TIAM1: variants seen among roughly 807,000 people sequenced by gnomAD.
The protein encoded by TIAM1 is rho guanine nucleotide exchange factor TIAM1.
TIAM1 carries 65 observed loss-of-function variants against 163.5 expected under a neutral mutation model. The ratio of observed to expected loss-of-function variants is 0.40; its 90% confidence interval spans 0.33 to 0.49. The LOEUF (loss-of-function observed/expected upper bound fraction) is 0.49. TIAM1 is among the 20% of genes least tolerant of loss of function. The probability of loss-of-function intolerance (pLI) is 0.77; values close to 1 mark genes in which losing one functional copy is unlikely to be tolerated. For synonymous variants in TIAM1, 833 were observed against 810.1 expected, an observed-to-expected ratio of 1.03 and a Z score of -0.48; for missense variants, 1,789 against 2,044.7, an observed-to-expected ratio of 0.87 and a Z score of 2.41.
intron 11 of TIAM1, among the ~76,000 whole-genome samples, chr21:31,203,369 C>T (rs1050268859): frequency 4.6e-5 from 7 of 152,190 alleles, no homozygotes; most frequent in African/African-American, 1.2e-4. Context: ...GTGATTCACC[C>T]GCCTTGGCCT....
At chr21:31,504,815 T>C (rs937653640) in intron 1 of TIAM1, among the ~76,000 whole-genome samples, 1 of 152,066 alleles carries the variant, frequency 6.6e-6, no homozygotes, top group Non-Finnish European at 1.5e-5. Context: ...ATAACCACTG[T>C]TACTAAAAAA....
chr21:31,270,118 G>A (rs78104942), intron 3 of TIAM1, among the ~76,000 whole-genome samples: 4,495 of 152,228 alleles, frequency 0.03, 183 homozygotes, highest in African/African-American at 0.093. Flanking sequence ...ATATTTGTGT[G>A]GGTTTTGTTG....
chr21:31,462,192 C>T (rs2045353047), intron 2 of TIAM1, among the ~76,000 whole-genome samples: 1 of 152,206 alleles, frequency 6.6e-6, no homozygotes, highest in Non-Finnish European at 1.5e-5. Flanking sequence ...TTCACAACTA[C>T]TCAACTCTGC....
intron 2 of TIAM1, among the ~76,000 whole-genome samples, chr21:31,306,999 C>A (rs956370877): frequency 2.6e-5 from 4 of 151,954 alleles, no homozygotes; most frequent in African/African-American, 7.3e-5. Flanking sequence ...AAATAAAATT[C>A]TTCATACTGC....
chr21:31,468,065 G>A (rs1263888741), intron 1 of TIAM1, among the ~76,000 whole-genome samples: 1 of 148,448 alleles, frequency 6.7e-6, no homozygotes, highest in Admixed American at 6.8e-5. Flanking sequence ...CTCCACCCTG[G>A]GCGACAAGAG....
intron 2 of TIAM1, among the ~76,000 whole-genome samples, chr21:31,418,807 C>T (rs1170433031): frequency 6.6e-6 from 1 of 152,192 alleles, no homozygotes; most frequent in Non-Finnish European, 1.5e-5. Flanking sequence ...TGCACAGAAT[C>T]AGCTTCAGAG....
intron 22 of TIAM1, among the ~76,000 whole-genome samples, chr21:31,139,831 G>A (rs187720060): frequency 5.7e-4 from 87 of 152,276 alleles, no homozygotes; most frequent in African/African-American, 2.0e-3. Context: ...GATCCTGACT[G>A]TACACTGTCT....
chr21:31,270,647 G>C (rs900118566), intron 3 of TIAM1, among the ~76,000 whole-genome samples: 1 of 152,208 alleles, frequency 6.6e-6, no homozygotes. Context: ...TAGCCCACAG[G>C]CCACATGGAT....
At chr21:31,213,522 A>G (rs1333716064) in intron 9 of TIAM1, 50 bp from the exon 10 acceptor site, 4 of 1,538,236 alleles carry the variant, frequency 2.6e-6, no homozygotes, top group Non-Finnish European at 3.6e-6. Flanking sequence ...CAACAGGGCA[A>G]ACGAAACGTA....
intron 24 of TIAM1, 36 bp from the exon 25 acceptor site, chr21:31,130,351 T>C (rs533425339): frequency 6.5e-7 from 1 of 1,546,968 alleles, no homozygotes; most frequent in African/African-American, 1.4e-5. Context: ...ATAAGAAGAA[T>C]CTAACCTGCC....
At chr21:31,165,127 C>T in intron 15 of TIAM1, 62 bp from the exon 16 acceptor site, 2 of 1,498,594 alleles carry the variant, frequency 1.3e-6, no homozygotes, top group East Asian at 2.3e-5. Context: ...AAAAGCCACC[C>T]CTGTGTGAGG....
In TIAM1 at chr21:31,139,419, A is replaced by G. The variant is rs142471018; in HGVS notation, c.3774+1699T>C. 4.6e-3 allele frequency among the ~76,000 whole-genome samples: 703 copies of G among 152,350 alleles called. 1 individual carries two copies. The highest frequency in any genetic ancestry group is 0.016 in the African/African-American group (660 of 41,596). ...ACAGTATTATTCATATTAGTCAATA[A>G]CAAAAAGCATTAAAATTCTGTGATC... is the stretch of plus-strand genomic sequence containing the variant. On this transcript the variant is annotated intron_variant, in intron 22 of 27. Transcript: ENST00000541036.
rs145483253 is a variant in TIAM1 at position 31,142,179 on chromosome 21, C to T, written c.3476-675G>A. On this transcript the variant is annotated intron_variant, in intron 20 of 27. Coordinates refer to ENST00000541036, the MANE Select transcript of TIAM1 (RefSeq NM_001353694.2). ...ATGGGGTGCCCCTGCCTCTTGGGAA[C>T]TGTGAGTGACAAACTAATAATCATC... 1.2e-3 allele frequency among the ~76,000 whole-genome samples: 185 copies of T among 152,272 alleles called. 4 individuals are homozygous for T. Among genetic ancestry groups the T allele is most frequent in the Admixed American group, 5.9e-4 (9 of 15,300 alleles).
intron 12 of TIAM1, among the ~76,000 whole-genome samples, chr21:31,197,521 G>A (rs1041051257): frequency 1.1e-4 from 16 of 147,654 alleles, no homozygotes; most frequent in Non-Finnish European, 2.2e-4. Context: ...GACTACAGGC[G>A]CCCGCCACCG....
chr21:31,516,336 C>T (rs2047381297), intron 1 of TIAM1, among the ~76,000 whole-genome samples: 1 of 152,056 alleles, frequency 6.6e-6, no homozygotes, highest in Non-Finnish European at 1.5e-5. Context: ...TGTTTGAACC[C>T]AGGAGGTGGA....
intron 2 of TIAM1, among the ~76,000 whole-genome samples, chr21:31,376,492 A>G (rs2076690068): frequency 1.3e-5 from 2 of 152,242 alleles, no homozygotes; most frequent in Middle Eastern, 3.4e-3. Flanking sequence ...GAAGGCAAAC[A>G]TTGGCACAGA....
At chr21:31,381,964 T>C (rs568898867) in intron 2 of TIAM1, among the ~76,000 whole-genome samples, 1 of 152,316 alleles carries the variant, frequency 6.6e-6, no homozygotes, top group African/African-American at 2.4e-5. Flanking sequence ...CTTCCTCACC[T>C]TCAGAACTGT....
intron 18 of TIAM1, 96 bp downstream of exon 18, chr21:31,152,970 A>G: frequency 7.4e-7 from 1 of 1,353,410 alleles, no homozygotes. Context: ...TAAATTTAAA[A>G]TGTTTTCAGT....
intron 2 of TIAM1, among the ~76,000 whole-genome samples, chr21:31,429,209 C>T (rs115191841): frequency 0.028 from 4,290 of 152,066 alleles, 186 homozygotes; most frequent in African/African-American, 0.096. Context: ...ATTATGTTGC[C>T]GAGCCTGGTC....
Sources: allele counts gnomAD v4.1 joint callset (sites outside exome capture counted in the v4.1 genomes callset), GRCh38; gene constraint gnomAD v4.1.1; transcripts MANE v1.5; gene names NCBI Gene and HGNC (gene_info 2026-07-23, HGNC 2026-07-21).